The following EHBP1 variants were observed in gnomAD, a reference collection of about 807,000 sequenced individuals.
EHBP1 encodes the protein EH domain-binding protein 1.
EHBP1 carries 55 observed loss-of-function variants against 144.0 expected under a neutral mutation model. The observed-to-expected ratio is 0.38, with a 90% CI of 0.31 to 0.48. The LOEUF is 0.48. EHBP1 is among the 20% of genes least tolerant of loss of function. The pLI, the probability that EHBP1 is intolerant of heterozygous loss-of-function variation, is 0.98. For synonymous variants in EHBP1, 469 were observed against 472.7 expected, an observed-to-expected ratio of 0.99 and a Z score of 0.10; for missense variants, 1,200 against 1,364.2, an observed-to-expected ratio of 0.88 and a Z score of 1.90.
intron 3 of EHBP1, among the ~76,000 whole-genome samples, chr2:62,756,756 A>G (rs925496199): frequency 5.2e-4 from 75 of 145,114 alleles, no homozygotes; most frequent in Non-Finnish European, 9.3e-4. Context: ...CAGCAAAAGT[A>G]GAACTCTATC....
chr2:62,745,521 T>C (rs767935270), intron 2 of EHBP1, among the ~76,000 whole-genome samples: 36 of 151,974 alleles, frequency 2.4e-4, no homozygotes, highest in Non-Finnish European at 4.0e-4. Flanking sequence ...TTTTAAACAT[T>C]GTAACATTGC....
intron 9 of EHBP1, among the ~76,000 whole-genome samples, chr2:62,868,554 A>G (rs2152826546): frequency 6.6e-6 from 1 of 152,330 alleles, no homozygotes; most frequent in East Asian, 1.9e-4. Context: ...CTCTTACAAA[A>G]ATGAAAAAGC....
At chr2:62,973,124 G>A (rs1021271837) in intron 14 of EHBP1, among the ~76,000 whole-genome samples, 4 of 152,136 alleles carry the variant, frequency 2.6e-5, no homozygotes, top group African/African-American at 9.7e-5. Flanking sequence ...TTGCAGATGG[G>A]AGTATTATGG....
intron 2 of EHBP1, among the ~76,000 whole-genome samples, chr2:62,730,667 A>G (rs1022857939): frequency 6.6e-6 from 1 of 151,552 alleles, no homozygotes; most frequent in African/African-American, 2.4e-5. Flanking sequence ...ATAGACAAAG[A>G]TACACAAAGA....
intron 2 of EHBP1, chr2:62,726,798 A>G (rs768478855): frequency 3.9e-5 from 6 of 152,154 alleles, no homozygotes; most frequent in Non-Finnish European, 5.9e-5. Context: ...ATTTCACACT[A>G]TAAAATCCTC....
chr2:62,681,338 G>GTATATATATATATATATATATATATATA (rs1376388270), intron 1 of EHBP1, among the ~76,000 whole-genome samples: 3 of 16,906 alleles, frequency 1.8e-4, no homozygotes, highest in Non-Finnish European at 2.9e-4. Flanking sequence ...GTATGTGTGT[G>GTATATATATATATATATATATATATATA]TGTATATATA....
intron 6 of EHBP1, among the ~76,000 whole-genome samples, chr2:62,830,661 T>C (rs2046764789): frequency 6.6e-6 from 1 of 152,192 alleles, no homozygotes; most frequent in African/African-American, 2.4e-5. Flanking sequence ...TAAGGTCCCA[T>C]CTATTTGTTT....
chr2:62,856,006 C>T (rs2049024158), intron 7 of EHBP1, among the ~76,000 whole-genome samples: 2 of 152,126 alleles, frequency 1.3e-5, no homozygotes, highest in Non-Finnish European at 2.9e-5. Context: ...GCTGAACACT[C>T]TTCAGGACAC....
At chr2:62,717,312 G>T (rs1276741545) in intron 2 of EHBP1, among the ~76,000 whole-genome samples, 12 of 152,190 alleles carry the variant, frequency 7.9e-5, no homozygotes, top group African/African-American at 2.7e-4. Context: ...GGCATTTCTA[G>T]AAATGTGCTA....
chr2:63,043,737 C>G (rs1036205588), intron 21 of EHBP1, among the ~76,000 whole-genome samples: 1 of 151,884 alleles, frequency 6.6e-6, no homozygotes, highest in African/African-American at 2.4e-5. Context: ...TGAAGATTCA[C>G]ATGGTAACCA....
At chr2:62,819,008 T>A (rs1303354537) in intron 5 of EHBP1, among the ~76,000 whole-genome samples, 1 of 152,186 alleles carries the variant, frequency 6.6e-6, no homozygotes, top group Non-Finnish European at 1.5e-5. Context: ...TGGGAAAGGA[T>A]GCCGCAGCTC....
chr2:62,789,875 A>G (rs1045778737), intron 5 of EHBP1, among the ~76,000 whole-genome samples: 5 of 152,232 alleles, frequency 3.3e-5, no homozygotes, highest in Non-Finnish European at 7.3e-5. Flanking sequence ...GATTGTTAAA[A>G]CAACTAGGAA....
intron 7 of EHBP1, among the ~76,000 whole-genome samples, chr2:62,837,826 C>T (rs1179013188): frequency 1.3e-5 from 2 of 151,574 alleles, no homozygotes; most frequent in Non-Finnish European, 2.9e-5. Flanking sequence ...ACGGGAGCAC[C>T]CAGATTCATA....
chr2:62,945,524 G>A (rs958910519), intron 12 of EHBP1, among the ~76,000 whole-genome samples: 2 of 152,152 alleles, frequency 1.3e-5, no homozygotes, highest in Non-Finnish European at 2.9e-5. Flanking sequence ...CCAAAAATGT[G>A]TATTGCTATC....
chr2:62,841,380 A>T (rs999127751), intron 7 of EHBP1, among the ~76,000 whole-genome samples: 10 of 151,294 alleles, frequency 6.6e-5, no homozygotes, highest in African/African-American at 2.4e-4. Flanking sequence ...TGGGAGATAT[A>T]CCTAATGCTA....
intron 19 of EHBP1, among the ~76,000 whole-genome samples, chr2:62,998,742 C>T (rs2059738966): frequency 6.6e-6 from 1 of 152,064 alleles, no homozygotes; most frequent in Admixed American, 6.6e-5. Flanking sequence ...AATCTAGAAT[C>T]CTTTTGAGCT....
At chr2:62,840,666 A>G (rs1176332636) in intron 7 of EHBP1, among the ~76,000 whole-genome samples, 5 of 151,780 alleles carry the variant, frequency 3.3e-5, no homozygotes. Context: ...AACCCCATCA[A>G]AAAGTGGGCG....
intron 5 of EHBP1, among the ~76,000 whole-genome samples, chr2:62,804,422 A>C (rs761894322): frequency 3.3e-5 from 5 of 152,236 alleles, no homozygotes. Flanking sequence ...TCCTCACCTC[A>C]CTACAAAAGG....
chr2:62,783,531 T>G (rs2042593936), intron 5 of EHBP1, among the ~76,000 whole-genome samples: 3 of 152,258 alleles, frequency 2.0e-5, no homozygotes, highest in Admixed American at 6.5e-5. Context: ...TAATCCTGAG[T>G]TCTTGACTTC....
Sources: gnomAD v4.1 joint callset for allele counts (sites outside exome capture counted in the v4.1 genomes callset) on GRCh38, gnomAD v4.1.1 for gene constraint, MANE v1.5 for transcripts, NCBI Gene and HGNC (gene_info 2026-07-23, HGNC 2026-07-21) for gene names.